Variants in KLRG1 observed in about 807,000 individuals in gnomAD.
The protein encoded by KLRG1 is killer cell lectin-like receptor subfamily G member 1.
Under a neutral mutation model 21.8 loss-of-function variants are expected in KLRG1, and 16 were observed. The ratio of observed to expected loss-of-function variants is 0.73; its 90% CI spans 0.50 to 1.11. The LOEUF is 1.11. Ranked by LOEUF, KLRG1 falls within the 50% of genes most tolerant of loss-of-function variation. The probability of loss-of-function intolerance (pLI) is 0.00; values close to 1 mark genes in which losing one functional copy is unlikely to be tolerated. For missense variants in KLRG1, 173 were observed against 218.3 expected, an observed-to-expected ratio of 0.79 and a Z score of 1.31; for synonymous variants, 69 against 75.9, an observed-to-expected ratio of 0.91 and a Z score of 0.47.
the KLRG1 span, chr12:9,101,131 T>C: frequency 5.1e-6 from 8 of 1,556,238 alleles, no homozygotes; most frequent in Non-Finnish European, 7.0e-6. Context: ...GCAGAGATGA[T>C]GGAAATACTC....
the KLRG1 span, chr12:9,202,622 C>T: frequency 7.1e-5 from 114 of 1,613,932 alleles, no homozygotes; most frequent in Admixed American, 3.3e-5. Context: ...TGAAATCTTG[C>T]GTAGGCCCCT....
the KLRG1 span, chr12:9,192,295 GAC>G: frequency 3.8e-6 from 6 of 1,586,532 alleles, no homozygotes; most frequent in Non-Finnish European, 5.2e-6. Context: ...TCTTGAGCTG[GAC>G]ACAGTTCTCA....
chr12:8,973,317 G>A (rs1347345438), intron 1 of KLRG1, among the ~76,000 whole-genome samples: 2 of 152,100 alleles, frequency 1.3e-5, no homozygotes, highest in African/African-American at 4.8e-5. Context: ...GTATTAAGAT[G>A]TGGGACCTTT....
chr12:9,050,899 C>T, the KLRG1 span, among the ~76,000 whole-genome samples: 5 of 152,218 alleles, frequency 3.3e-5, no homozygotes, highest in Admixed American at 2.6e-4. Context: ...TCTCTCTGCT[C>T]CTGGCACTGG....
intron 1 of KLRG1, among the ~76,000 whole-genome samples, chr12:8,963,876 G>A (rs1478829071): frequency 6.6e-6 from 1 of 152,092 alleles, no homozygotes; most frequent in African/African-American, 2.4e-5. Flanking sequence ...GGGGTCAGTG[G>A]TGATATCCCC....
At chr12:9,129,523 A>T in the KLRG1 span, among the ~76,000 whole-genome samples, 1 of 152,264 alleles carries the variant, frequency 6.6e-6, no homozygotes, top group East Asian at 1.9e-4. Flanking sequence ...GTATTATTGT[A>T]TATAATAATA....
At chr12:9,056,564 G>GGTGT in the KLRG1 span, among the ~76,000 whole-genome samples, 1 of 96,094 alleles carries the variant, frequency 1.0e-5, no homozygotes, top group Non-Finnish European at 2.4e-5. Flanking sequence ...TTACTTGGGG[G>GGTGT]GTGTGTGTGT....
chr12:9,214,228 T>G, the KLRG1 span, among the ~76,000 whole-genome samples: 1 of 152,178 alleles, frequency 6.6e-6, no homozygotes, highest in Admixed American at 6.5e-5. Flanking sequence ...GTCTTGAGAT[T>G]GCTACAGCTT....
At chr12:9,095,450 G>C in the KLRG1 span, 9 of 1,278,112 alleles carry the variant, frequency 7.0e-6, no homozygotes, top group Non-Finnish European at 9.9e-6. Context: ...CCTCAACTAG[G>C]ACATGAAGGC....
chr12:8,983,191 C>T (rs923716751), intron 1 of KLRG1, among the ~76,000 whole-genome samples: 1 of 151,562 alleles, frequency 6.6e-6, no homozygotes, highest in East Asian at 1.9e-4. Context: ...ATTTCTGTTG[C>T]TCTTCAATGT....
At chr12:9,037,126 A>G in the KLRG1 span, 1 of 160,548 alleles carries the variant, frequency 6.2e-6, no homozygotes, top group African/African-American at 2.4e-5. Flanking sequence ...AAGAGACTTC[A>G]TTTACACTCA....
chr12:9,192,427 G>T, the KLRG1 span: 18 of 1,358,070 alleles, frequency 1.3e-5, no homozygotes, highest in Non-Finnish European at 1.9e-5. Flanking sequence ...CTGTGTGCAA[G>T]TAGTTTATTT....
chr12:9,109,861 C>T, the KLRG1 span: 18 of 1,588,952 alleles, frequency 1.1e-5, no homozygotes, highest in Non-Finnish European at 1.5e-5. Flanking sequence ...TTTTCATGAT[C>T]CATACCAAAT....
At chr12:9,095,909 G>C in the KLRG1 span, among the ~76,000 whole-genome samples, 24 of 151,326 alleles carry the variant, frequency 1.6e-4, no homozygotes, top group Admixed American at 2.0e-4. Context: ...ACAGGCGCCC[G>C]CCACCGCGCC....
the KLRG1 span, among the ~76,000 whole-genome samples, chr12:9,051,457 G>A: frequency 6.6e-6 from 1 of 152,120 alleles, no homozygotes; most frequent in Non-Finnish European, 1.5e-5. Context: ...CTGCAGAGGC[G>A]AGCAACCCTT....
the KLRG1 span, chr12:9,028,792 G>A: frequency 1.6e-5 from 10 of 611,080 alleles, no homozygotes. Context: ...CAGTTAAGTG[G>A]GCACCTGGTC....
chr12:9,184,526 T>C, the KLRG1 span, among the ~76,000 whole-genome samples: 2 of 152,258 alleles, frequency 1.3e-5, no homozygotes, highest in African/African-American at 4.8e-5. Flanking sequence ...GCCAGCAACC[T>C]GGCACCTGCT....
At chr12:9,027,761 A>T in the KLRG1 span, 2 of 1,389,112 alleles carry the variant, frequency 1.4e-6, no homozygotes, top group Admixed American at 3.4e-5. Context: ...AATCCATTAT[A>T]GCCATCCCCA....
chr12:9,050,582 C>T, the KLRG1 span, among the ~76,000 whole-genome samples: 26 of 152,164 alleles, frequency 1.7e-4, no homozygotes, highest in South Asian at 5.2e-3. Flanking sequence ...GGGCTACAGC[C>T]GCCCAAATGC....
Sources: gnomAD v4.1 joint callset for allele counts (sites outside exome capture counted in the v4.1 genomes callset) on GRCh38, gnomAD v4.1.1 for gene constraint, MANE v1.5 for transcripts, NCBI Gene and HGNC (gene_info 2026-07-23, HGNC 2026-07-21) for gene names.